Variants in TRPM2 observed in about 807,000 individuals in gnomAD.
The protein encoded by TRPM2 is transient receptor potential cation channel subfamily M member 2.
Under a neutral mutation model 174.0 loss-of-function variants are expected in TRPM2, and 161 were observed. That is an observed-to-expected ratio of 0.93 (90% CI 0.81 to 1.05). The LOEUF is 1.05. Among genes scored for constraint, TRPM2 ranks in the 50% least tolerant of loss-of-function variants. The pLI is 0.00. For synonymous variants in TRPM2, 954 were observed against 861.3 expected, an observed-to-expected ratio of 1.11 and a Z score of -1.88; for missense variants, 2,057 against 2,038.0, an observed-to-expected ratio of 1.01 and a Z score of -0.18.
At chr21:44,407,016 G>A (rs1006577425) in intron 19 of TRPM2, among the ~76,000 whole-genome samples, 1 of 149,852 alleles carries the variant, frequency 6.7e-6, no homozygotes. Flanking sequence ...AGAGTGGGCC[G>A]AGGGCACCTG....
rs117548537 is a variant in TRPM2 at position 44,426,654 on chromosome 21, C to G, written c.3796-6C>G. On this transcript the variant is annotated splice_region_variant and splice_polypyrimidine_tract_variant and intron_variant, in intron 25 of 31. Transcript: ENST00000397928. ...ATCTGAGGGAAAACTCCCTGTTTTG[C>G]GACAGACGGAGTTCCTGATCTATGA... 5 of 1,614,112 alleles carry G rather than the reference C, an allele frequency of 3.1e-6. No individual in the cohort carries two copies. Among genetic ancestry groups the G allele is most frequent in the Non-Finnish European group, 4.2e-6 (5 of 1,179,944 alleles).
intron 8 of TRPM2, 130 bp from the exon 9 acceptor site, chr21:44,382,588 G>A (rs1233030705): frequency 2.7e-6 from 2 of 732,026 alleles, no homozygotes; most frequent in Non-Finnish European, 4.7e-6. Context: ...GAGATGTGGT[G>A]GTGTCCTGGC....
chr21:44,356,531 A>AT (rs143434691), intron 2 of TRPM2, among the ~76,000 whole-genome samples: 3,178 of 137,614 alleles, frequency 0.023, 89 homozygotes, highest in African/African-American at 0.058. Flanking sequence ...CTGCTTGGCT[A>AT]TTTTTTTTTT....
chr21:44,395,618 G>T (rs1416666870), intron 12 of TRPM2, 67 bp downstream of exon 12: 1 of 1,597,470 alleles, frequency 6.3e-7, no homozygotes, highest in African/African-American at 1.3e-5. Flanking sequence ...GGGGAGTGTG[G>T]CTGGAGAGAG....
In TRPM2 at chr21:44,395,457, G is replaced by A; in HGVS notation, c.1838G>A (p.Gly613Asp). The part of the protein sequence containing the change: ...SLRSLYKRSS[G>D]HVTFTMDPIR... ...CGGTCCCTCTACAAGCGTTCCTCAG[G>A]CCATGTGACCTTCACCATGGACCCC... The change falls in exon 12 of 32, where the codon GGC becomes GAC. Residue 613 changes from glycine (G) to aspartate (D), a missense_variant. Gly to Asp is a moderately conservative substitution (Grantham distance 94). Transcript: ENST00000397928. 2 of 1,612,954 alleles carry A rather than the reference G, an allele frequency of 1.2e-6. No individual in the cohort carries two copies. The highest frequency in any genetic ancestry group is 1.7e-6 in the Non-Finnish European group (2 of 1,179,962).
intron 20 of TRPM2, 124 bp downstream of exon 20, chr21:44,414,198 G>A (rs527472389): frequency 4.0e-5 from 50 of 1,254,972 alleles, no homozygotes; most frequent in Middle Eastern, 2.2e-4. Context: ...ACAGAGGCGC[G>A]TCACTCATAT....
In TRPM2 at chr21:44,391,043, C is replaced by A. The variant is rs186442818; in HGVS notation, c.1440+18C>A. The A allele has an allele frequency of 6.2e-7, 1 of 1,613,488 alleles. No homozygotes were observed. Among genetic ancestry groups the A allele is most frequent in the South Asian group, 1.1e-5 (1 of 91,054 alleles). On this transcript the variant is annotated intron_variant, in intron 10 of 31. Coordinates refer to ENST00000397928, the MANE Select transcript of TRPM2 (RefSeq NM_003307.4). This position sits in a 1 kb window ranked among gnomAD's most constrained non-coding sequence, Gnocchi z 5.0. ...AGTGGAAGGTAAGTCTTCCAGAGCA[C>A]CCCGTGGAGGGGCCTACTGGGCCCA...
Position 44,366,811 on chromosome 21 carries a change from C to G in TRPM2, c.481C>G (p.His161Asp). The G allele has an allele frequency of 2.5e-6, 4 of 1,614,000 alleles. No individual in the cohort carries two copies. Among genetic ancestry groups the G allele is most frequent in the Non-Finnish European group, 3.4e-6 (4 of 1,179,996 alleles). ...CGTGATCTACCACCTCATGACCCAG[C>G]ACTGGGGGCTGGACGTCCCCAATCT... ...SSVIYHLMTQHWGLDVPNLLI... is the reference protein window; with the variant it reads ...SSVIYHLMTQDWGLDVPNLLI... The change falls in exon 4 of 32, where the codon CAC (histidine) becomes GAC (aspartate). Residue 161 changes from histidine to aspartate, a missense_variant. Coordinates refer to ENST00000397928, the MANE Select transcript of TRPM2 (RefSeq NM_003307.4). The surrounding 1 kb of genome is among the most constrained non-coding windows in gnomAD (Gnocchi z 6.0).
chr21:44,360,983 C>T (rs2048192099), intron 2 of TRPM2, among the ~76,000 whole-genome samples: 1 of 152,146 alleles, frequency 6.6e-6, no homozygotes, highest in Admixed American at 6.5e-5. Context: ...CACCTTCTCC[C>T]CCATCATCCC....
At chr21:44,404,473 G>A (rs2049791369) in intron 16 of TRPM2, among the ~76,000 whole-genome samples, 1 of 152,222 alleles carries the variant, frequency 6.6e-6, no homozygotes, top group Non-Finnish European at 1.5e-5. Context: ...CACAGGTGCT[G>A]AGTGAGCAGG....
chr21:44,423,620 C>T (rs1448995460), intron 22 of TRPM2, 25 bp from the exon 23 acceptor site: 2 of 1,602,476 alleles, frequency 1.2e-6, no homozygotes. Context: ...TGGTGTGCGT[C>T]CAGCTCAGCT....
At chr21:44,364,058 A>C in intron 2 of TRPM2, 56 bp from the exon 3 acceptor site, 2 of 1,560,380 alleles carry the variant, frequency 1.3e-6, no homozygotes, top group East Asian at 2.3e-5. Context: ...TGATGCCTTC[A>C]CAGGGAGCAG....
At chr21:44,400,154 C>A in intron 14 of TRPM2, 105 bp from the exon 15 acceptor site, 1 of 905,904 alleles carries the variant, frequency 1.1e-6, no homozygotes, top group Non-Finnish European at 1.7e-6. Flanking sequence ...AGACTGCAGG[C>A]TAGCTCTGTC....
At chr21:44,355,769 G>T (rs1305752029) in intron 2 of TRPM2, among the ~76,000 whole-genome samples, 1 of 151,836 alleles carries the variant, frequency 6.6e-6, no homozygotes, top group Non-Finnish European at 1.5e-5. Flanking sequence ...TTGCCCCAGG[G>T]TACCTCTAGT....
chr21:44,435,318 G>A lies in TRPM2; in HGVS notation c.4061+101G>A, dbSNP rs115514830. On this transcript the variant is annotated intron_variant, in intron 28 of 31. Coordinates refer to ENST00000397928, the MANE Select transcript of TRPM2 (RefSeq NM_003307.4). ...CCCAGTGCTCAGGGGCCGGGAGGGC[G>A]GCTTTGATGCTTGGCACTTGGTGCC... 2,886 of 1,318,896 alleles carry A rather than the reference G, an allele frequency of 2.2e-3. 43 individuals are homozygous for A. In the African/African-American group the frequency reaches 0.035, roughly 16 times the overall value. The allele number at this position is 1,318,896 out of a possible 1,614,324, so 81.7% of individuals were successfully genotyped here.
In TRPM2 at chr21:44,391,367, G is replaced by T; in HGVS notation, c.1536G>T (p.Glu512Asp). 1 of 1,614,192 alleles carries T rather than the reference G, an allele frequency of 6.2e-7. No homozygotes were observed. The highest frequency in any genetic ancestry group is 1.7e-5 in the Admixed American group (1 of 60,038). Reference sequence around the variant, plus strand: ...TGGAGAACGGGGTGCAGCTGAAGGAGTTTGTCACCTGGGACACCTTGCTCT... The same window carrying T: ...TGGAGAACGGGGTGCAGCTGAAGGATTTTGTCACCTGGGACACCTTGCTCT... ...LFLENGVQLK[E>D]FVTWDTLLYL... The change falls in exon 11 of 32, where the codon GAG becomes GAT. Residue 512 changes from glutamate (E) to aspartate (D), a missense_variant. Coordinates refer to ENST00000397928, the MANE Select transcript of TRPM2 (RefSeq NM_003307.4). The surrounding 1 kb of genome is among the most constrained non-coding windows in gnomAD (Gnocchi z 5.0).
chr21:44,441,144 G>A (rs1372423955), intron 31 of TRPM2, among the ~76,000 whole-genome samples: 1 of 152,210 alleles, frequency 6.6e-6, no homozygotes, highest in Non-Finnish European at 1.5e-5. Context: ...GAAACTGGAG[G>A]CTACAGGGTC....
intron 29 of TRPM2, among the ~76,000 whole-genome samples, chr21:44,437,508 G>C (rs368868310): frequency 6.6e-6 from 1 of 152,102 alleles, no homozygotes. Flanking sequence ...CTCTTCTCCC[G>C]TGTCTCAGAC....
intron 27 of TRPM2, among the ~76,000 whole-genome samples, chr21:44,427,683 G>T (rs1417047523): frequency 6.6e-6 from 1 of 152,218 alleles, no homozygotes; most frequent in Non-Finnish European, 1.5e-5. Context: ...CTGGGGGGTT[G>T]CCGGGATGTG....
Sources: gnomAD v4.1 joint callset for allele counts (sites outside exome capture counted in the v4.1 genomes callset) on GRCh38, gnomAD v4.1.1 for gene constraint, Gnocchi (gnomAD v3.1) non-coding constraint, MANE v1.5 for transcripts, NCBI Gene and HGNC (gene_info 2026-07-23, HGNC 2026-07-21) for gene names.